Variants in SH3BGRL observed in about 807,000 individuals in gnomAD.
SH3BGRL encodes adapter SH3BGRL.
In SH3BGRL, 7 loss-of-function variants were observed where a neutral mutation model predicts 9.8. The ratio of observed to expected loss-of-function variants is 0.72; its 90% CI spans 0.41 to 1.35. SH3BGRL has a LOEUF of 1.35. SH3BGRL is among the 40% of genes most tolerant of loss of function. The pLI, the probability that SH3BGRL is intolerant of heterozygous loss-of-function variation, is 0.01. For synonymous variants in SH3BGRL, 36 were observed against 29.1 expected, an observed-to-expected ratio of 1.24 and a Z score of -0.76; for missense variants, 73 against 84.4, an observed-to-expected ratio of 0.86 and a Z score of 0.53.
intron 1 of SH3BGRL, among the ~76,000 whole-genome samples, chrX:81,222,994 T>G (rs1395732498): frequency 8.9e-6 from 1 of 112,167 alleles, no homozygotes; most frequent in Non-Finnish European, 1.9e-5. Context: ...TCTGTTCATA[T>G]CCTTCACCCA....
intron 1 of SH3BGRL, among the ~76,000 whole-genome samples, chrX:81,265,877 C>T (rs1160767931): frequency 1.8e-5 from 2 of 111,826 alleles, no homozygotes; most frequent in East Asian, 2.8e-4. Context: ...TCTGTCGTTT[C>T]CTGACTTTTT....
chrX:81,216,548 C>G lies in SH3BGRL; in HGVS notation c.45+14303C>G, dbSNP rs771630870. 1.9e-4 allele frequency among the ~76,000 whole-genome samples: 21 copies of G among 111,080 alleles called. No homozygotes were observed. The South Asian group carries it at 6.8e-3, about 36-fold the overall frequency. Reference sequence around the variant, plus strand: ...AGTAGACCTTATTCATTGACTCTATCTATATTTTTGTACCCATTAACCATC... The same window carrying G: ...AGTAGACCTTATTCATTGACTCTATGTATATTTTTGTACCCATTAACCATC... On this transcript the variant is annotated intron_variant, in intron 1 of 3. Coordinates refer to ENST00000373212, the MANE Select transcript of SH3BGRL (RefSeq NM_003022.3).
chrX:81,236,919 G>C (rs775384293), intron 1 of SH3BGRL, among the ~76,000 whole-genome samples: 7 of 109,630 alleles, frequency 6.4e-5, no homozygotes, highest in Non-Finnish European at 1.3e-4. Context: ...GAGAGAGAGA[G>C]AGAGAGAGAG....
At chrX:81,205,403 A>G (rs1240830592) in intron 1 of SH3BGRL, among the ~76,000 whole-genome samples, 1 of 109,147 alleles carries the variant, frequency 9.2e-6, no homozygotes, top group African/African-American at 3.3e-5. Flanking sequence ...GTCACAAATA[A>G]CAGAATATCA....
At chrX:81,269,543 C>T (rs1275164988) in intron 1 of SH3BGRL, among the ~76,000 whole-genome samples, 2 of 111,620 alleles carry the variant, frequency 1.8e-5, no homozygotes, top group Non-Finnish European at 3.8e-5. Context: ...TGAATATTGG[C>T]CCCCACTCTC....
rs901708857 is a variant in SH3BGRL, at chrX:81,298,461, A to G, written c.*1234A>G. 2 of 111,474 alleles carry G rather than the reference A, an allele frequency of 1.8e-5. No individual in the cohort carries two copies. The highest frequency in any genetic ancestry group is 3.8e-5 in the Non-Finnish European group (2 of 52,843). 9.2% of individuals were successfully genotyped at this position (111,474 alleles called of 1,213,427 possible). ...CTGGTCTTTACTTTTTGCCAAAATC[A>G]ACATATAATGAAGAGATGCCTTTGT... On this transcript the variant is annotated 3_prime_UTR_variant, in exon 4 of 4. Coordinates refer to ENST00000373212, the MANE Select transcript of SH3BGRL (RefSeq NM_003022.3).
At chrX:81,239,867 A>C (rs909410172) in intron 1 of SH3BGRL, among the ~76,000 whole-genome samples, 2 of 112,269 alleles carry the variant, frequency 1.8e-5, no homozygotes, top group African/African-American at 6.5e-5. Flanking sequence ...GTGGGACGAT[A>C]TATTTAAAGT....
At chrX:81,234,624 C>A (rs1382389816) in intron 1 of SH3BGRL, among the ~76,000 whole-genome samples, 1 of 111,851 alleles carries the variant, frequency 8.9e-6, no homozygotes, top group Non-Finnish European at 1.9e-5. Flanking sequence ...TTTTAAAGTT[C>A]TTAGATGAGG....
chrX:81,275,784 C>A (rs886530031), intron 1 of SH3BGRL, among the ~76,000 whole-genome samples: 2 of 112,010 alleles, frequency 1.8e-5, no homozygotes, highest in South Asian at 3.7e-4. Context: ...CTTTCCGTTT[C>A]TTTTGGGAGA....
At chrX:81,205,056 CATTT>C (rs1399889393) in intron 1 of SH3BGRL, among the ~76,000 whole-genome samples, 1 of 112,169 alleles carries the variant, frequency 8.9e-6, no homozygotes, top group Admixed American at 9.4e-5. Flanking sequence ...AAACATTTAT[CATTT>C]ATTTGTGGTG....
At chrX:81,270,830 C>G (rs2147707283) in intron 1 of SH3BGRL, among the ~76,000 whole-genome samples, 1 of 112,342 alleles carries the variant, frequency 8.9e-6, no homozygotes, top group Admixed American at 9.4e-5. Flanking sequence ...TACCCTGCCC[C>G]CACAGGTGGA....
chrX:81,270,636 T>C (rs758216907), intron 1 of SH3BGRL, among the ~76,000 whole-genome samples: 88 of 111,958 alleles, frequency 7.9e-4, no homozygotes, highest in African/African-American at 2.7e-3. Context: ...ATGAGGTGTC[T>C]GTTGGCCCCT....
intron 1 of SH3BGRL, among the ~76,000 whole-genome samples, chrX:81,238,315 C>T (rs1410585933): frequency 7.1e-5 from 8 of 111,890 alleles, no homozygotes; most frequent in East Asian, 2.8e-4. Context: ...AGCCGACTTA[C>T]GGGCCCTTGG....
intron 3 of SH3BGRL, among the ~76,000 whole-genome samples, chrX:81,282,525 A>T (rs973205694): frequency 8.9e-6 from 1 of 111,947 alleles, no homozygotes; most frequent in Non-Finnish European, 1.9e-5. Context: ...TCCAAAAGGA[A>T]CCTTCAAAAC....
Position 81,209,002 on chromosome X carries a change from G to GTTTT in SH3BGRL, c.45+6777_45+6780dup, listed in dbSNP as rs11322797. On this transcript the variant is annotated intron_variant, in intron 1 of 3. Transcript: ENST00000373212. ...ATTGCCCTTTCGTTAGCATAACTAA[G>GTTTT]TTTTTTTTTTTTTTTTTTTTTTTAA... Among the ~76,000 whole-genome samples the GTTTT allele has an allele frequency of 7.9e-4, 43 of 54,604 alleles. 2 individuals are homozygous for GTTTT. The highest frequency in any genetic ancestry group is 2.6e-3 in the African/African-American group (41 of 15,638). The allele number at this position is 54,604 out of a possible 115,157, so 47.4% of individuals were successfully genotyped here.
Position 81,297,215 on chromosome X carries a change from G to A in SH3BGRL, c.333G>A (p.Lys111=), listed in dbSNP as rs1332726320. 7 of 1,206,381 alleles carry A rather than the reference G, an allele frequency of 5.8e-6. No homozygotes were observed. The East Asian group carries it at 1.8e-4, about 31-fold the overall frequency. Residue 111 remains lysine, a synonymous_variant, in exon 4 of 4, where the codon AAG becomes AAA. Transcript: ENST00000373212. The part of the protein sequence containing the change: ...PGSKEAEVQA[K]QQA ...TTCAGGAAGCAGAAGTGCAAGCAAA[G>A]CAGCAAGCATGAACCTTAAGCACTG...
Position 81,202,259 on chromosome X carries a change from G to T in SH3BGRL, c.45+14G>T. 1 of 1,195,127 alleles carries T rather than the reference G, an allele frequency of 8.4e-7. No homozygotes were observed. The highest frequency in any genetic ancestry group is 1.1e-6 in the Non-Finnish European group (1 of 883,982). ...GGCTCTACAGCGGTAAGGAGAGTGG[G>T]GAGTCCACCTTTGTTGTTTTCCTAC... On this transcript the variant is annotated intron_variant, in intron 1 of 3. Coordinates refer to ENST00000373212, the MANE Select transcript of SH3BGRL (RefSeq NM_003022.3).
At chrX:81,288,141 A>T (rs1383441149) in intron 3 of SH3BGRL, among the ~76,000 whole-genome samples, 1 of 112,076 alleles carries the variant, frequency 8.9e-6, no homozygotes, top group African/African-American at 3.2e-5. Context: ...AATATATGCA[A>T]ATCAACCAAT....
intron 3 of SH3BGRL, among the ~76,000 whole-genome samples, chrX:81,283,167 A>G (rs2075823393): frequency 8.9e-6 from 1 of 111,954 alleles, no homozygotes. Context: ...TCAAGATTGA[A>G]ATGGTAATTT....
Sources: allele counts gnomAD v4.1 joint callset (sites outside exome capture counted in the v4.1 genomes callset), GRCh38; gene constraint gnomAD v4.1.1; transcripts MANE v1.5; gene names NCBI Gene and HGNC (gene_info 2026-07-23, HGNC 2026-07-21).